Variants in RHOG observed in about 807,000 individuals in gnomAD.
RHOG encodes the protein ras homolog family member G, also known as rho-related GTP-binding protein RhoG.
Under a neutral mutation model 12.3 loss-of-function variants are expected in RHOG, and 1 was observed. The observed-to-expected ratio is 0.08, with a 90% CI of 0.03 to 0.39. The LOEUF is 0.39. Among genes scored for constraint, RHOG ranks in the 10% least tolerant of loss-of-function variants. The probability of loss-of-function intolerance (pLI) is 0.99; values close to 1 mark genes in which losing one functional copy is unlikely to be tolerated. For missense variants in RHOG, 114 were observed against 266.2 expected (o/e 0.43, Z 3.98); for synonymous variants, 129 against 116.0 (o/e 1.11, Z -0.72).
intron 1 of RHOG, among the ~76,000 whole-genome samples, chr11:3,834,313 T>C (rs1379190471): frequency 2.0e-5 from 3 of 152,322 alleles, no homozygotes; most frequent in Non-Finnish European, 4.4e-5. Context: ...CCTTCAGTAC[T>C]GAAGCCTTGG....
At chr11:3,834,935 A>G (rs1037015825) in intron 1 of RHOG, among the ~76,000 whole-genome samples, 3 of 152,138 alleles carry the variant, frequency 2.0e-5, no homozygotes, top group African/African-American at 4.8e-5. Context: ...GGCCATTCCA[A>G]TCCTGATCCT....
chr11:3,831,864 A>G (rs2090130972), intron 1 of RHOG, among the ~76,000 whole-genome samples: 2 of 152,214 alleles, frequency 1.3e-5, no homozygotes, highest in Non-Finnish European at 1.5e-5. Context: ...GGGCTGGCCC[A>G]GGCAGGAAGG....
intron 1 of RHOG, among the ~76,000 whole-genome samples, chr11:3,831,406 G>C (rs554666465): frequency 4.6e-4 from 69 of 150,220 alleles, no homozygotes; most frequent in African/African-American, 1.7e-3. Context: ...TTGCATGAAT[G>C]AGAGAGAGTG....
At chr11:3,828,860 T>A (rs1194953180) in intron 1 of RHOG, among the ~76,000 whole-genome samples, 1 of 151,960 alleles carries the variant, frequency 6.6e-6, no homozygotes, top group Non-Finnish European at 1.5e-5. Flanking sequence ...GACCTCGTGA[T>A]CCGCCCGCCT....
intron 1 of RHOG, among the ~76,000 whole-genome samples, chr11:3,839,920 G>A (rs1354656632): frequency 6.6e-6 from 1 of 152,172 alleles, no homozygotes; most frequent in Non-Finnish European, 1.5e-5. Flanking sequence ...GGCAGGGTAG[G>A]TGAAGACAGG....
intron 1 of RHOG, among the ~76,000 whole-genome samples, chr11:3,834,651 C>T (rs1351863509): frequency 6.6e-6 from 1 of 152,236 alleles, no homozygotes; most frequent in African/African-American, 2.4e-5. Context: ...TGGAGCCCGG[C>T]TTGTACCCAG....
intron 1 of RHOG, among the ~76,000 whole-genome samples, chr11:3,838,538 G>A (rs2090169655): frequency 6.6e-6 from 1 of 152,058 alleles, no homozygotes; most frequent in African/African-American, 2.4e-5. Flanking sequence ...AGGTCCCTGG[G>A]ATTTCTTCCC....
rs1003053604 is a variant in RHOG, at chr11:3,835,082, C to T, written c.-69+5812G>A. 2.6e-5 allele frequency among the ~76,000 whole-genome samples: 4 copies of T among 152,200 alleles called. No homozygotes were observed. The East Asian group carries it at 7.7e-4, about 29-fold the overall frequency. Reference sequence around the variant, plus strand: ...ACTTATCCTATCCAAAGTCTGGTCCCTGTCTCTCTCACAGGCTTGGAGAGG... The same window carrying T: ...ACTTATCCTATCCAAAGTCTGGTCCTTGTCTCTCTCACAGGCTTGGAGAGG... On this transcript the variant is annotated intron_variant, in intron 1 of 1. Transcript: ENST00000351018.
At chr11:3,838,144 G>GC (rs1329976415) in intron 1 of RHOG, among the ~76,000 whole-genome samples, 1 of 152,176 alleles carries the variant, frequency 6.6e-6, no homozygotes, top group African/African-American at 2.4e-5. Flanking sequence ...GTGGGCCTGA[G>GC]CCCCCTTCTT....
chr11:3,830,192 A>T (rs960584090), intron 1 of RHOG, among the ~76,000 whole-genome samples: 1 of 152,240 alleles, frequency 6.6e-6, no homozygotes, highest in Non-Finnish European at 1.5e-5. Flanking sequence ...TCTTGGATAG[A>T]AAATACCATC....
intron 1 of RHOG, chr11:3,837,738 T>C (rs891853061): frequency 2.0e-5 from 3 of 152,158 alleles, no homozygotes; most frequent in African/African-American, 7.2e-5. Context: ...CTCTTTAACC[T>C]CATTCAGGAG....
chr11:3,837,430 T>C (rs1423393949), intron 1 of RHOG, among the ~76,000 whole-genome samples: 1 of 149,448 alleles, frequency 6.7e-6, no homozygotes, highest in Non-Finnish European at 1.5e-5. Flanking sequence ...TGGACAGATA[T>C]GTATGTACAG....
At chr11:3,829,152 C>A (rs1273881542) in intron 1 of RHOG, among the ~76,000 whole-genome samples, 1 of 151,890 alleles carries the variant, frequency 6.6e-6, no homozygotes. Context: ...CTACTGAGTA[C>A]AAACCCAAAG....
At chr11:3,828,872 G>A (rs1474498584) in intron 1 of RHOG, among the ~76,000 whole-genome samples, 12 of 151,830 alleles carry the variant, frequency 7.9e-5, no homozygotes, top group South Asian at 2.1e-4. Flanking sequence ...CGCCCGCCTT[G>A]GCCTCCTAAA....
At chr11:3,828,709 C>T (rs184792135) in intron 1 of RHOG, among the ~76,000 whole-genome samples, 1,926 of 150,452 alleles carry the variant, frequency 0.013, 56 homozygotes, top group African/African-American at 0.045. Flanking sequence ...CTGCAAGCTC[C>T]GCCTCCTGGG....
Position 3,827,608 on chromosome 11 carries a change from G to A in RHOG, c.531C>T (p.Leu177=), listed in dbSNP as rs1565080674. 1 of 1,611,868 alleles carries A rather than the reference G, an allele frequency of 6.2e-7. No individual in the cohort carries two copies. The highest frequency in any genetic ancestry group is 1.1e-5 in the South Asian group (1 of 91,074). ...EVFAEAVRAV[L]NPTPIKRGRS... is the part of the protein sequence containing the mutation. ...GCCCACGCTTGATCGGCGTGGGGTTGAGCACAGCCCGGACAGCCTCGGCGA... is the reference window on the plus strand; with the variant it reads ...GCCCACGCTTGATCGGCGTGGGGTTAAGCACAGCCCGGACAGCCTCGGCGA... The change falls in exon 2 of 2, where the codon CTC becomes CTT. Residue 177 remains leucine, a synonymous_variant. Coordinates refer to ENST00000351018, the MANE Select transcript of RHOG (RefSeq NM_001665.4). The surrounding 1 kb of genome is among the most constrained non-coding windows in gnomAD (Gnocchi z 7.3).
At chr11:3,840,013 A>G (rs1321035537) in intron 1 of RHOG, among the ~76,000 whole-genome samples, 1 of 152,156 alleles carries the variant, frequency 6.6e-6, no homozygotes. Flanking sequence ...TTGTGGGTAG[A>G]AACTAAAGAA....
chr11:3,831,731 T>C (rs2090130138), intron 1 of RHOG, among the ~76,000 whole-genome samples: 1 of 152,196 alleles, frequency 6.6e-6, no homozygotes, highest in Admixed American at 6.5e-5. Flanking sequence ...GGGGCATTAT[T>C]TGTGCCCAGC....
In RHOG at chr11:3,827,912, T is replaced by C. The variant is rs558564123; in HGVS notation, c.227A>G (p.Asn76Ser). Residue 76 changes from asparagine (N) to serine (S), a missense_variant, in exon 2 of 2, where the codon AAC becomes AGC. By Grantham distance (46) the Asn-to-Ser change is conservative. Around this residue, in one of 2 missense-constraint regions of RHOG, gnomAD observed 53 missense variants for 164.8 expected, o/e 0.32. Coordinates refer to ENST00000351018, the MANE Select transcript of RHOG (RefSeq NM_001665.4). This position sits in a 1 kb window ranked among gnomAD's most constrained non-coding sequence, Gnocchi z 7.3. ...RLRTLSYPQT[N>S]VFVICFSIAS... ...AATGGAGAAACAGATGACGAAAACG[T>C]TGGTCTGAGGGTAGGAGAGTGTACG... is the stretch of plus-strand genomic sequence containing the variant. 2 of 1,614,212 alleles carry C rather than the reference T, an allele frequency of 1.2e-6. No homozygotes were observed. Among genetic ancestry groups the C allele is most frequent in the Admixed American group, 1.7e-5 (1 of 60,028 alleles).
Sources: allele counts gnomAD v4.1 joint callset (sites outside exome capture counted in the v4.1 genomes callset), GRCh38; gene constraint gnomAD v4.1.1; regional missense constraint gnomAD v4.1.1; non-coding constraint Gnocchi (gnomAD v3.1); transcripts MANE v1.5; gene names NCBI Gene and HGNC (gene_info 2026-07-23, HGNC 2026-07-21).